NEGR1: variants seen among roughly 807,000 people sequenced by gnomAD.
NEGR1 encodes IgLON family member 4.
NEGR1 carries 10 observed loss-of-function variants against 40.9 expected under a neutral mutation model. The ratio of observed to expected loss-of-function variants is 0.24; its 90% CI spans 0.15 to 0.42. The LOEUF (loss-of-function observed/expected upper bound fraction) is 0.42. Among genes scored for constraint, NEGR1 ranks in the 10% least tolerant of loss-of-function variants. The probability of loss-of-function intolerance (pLI) is 1.00; values close to 1 mark genes in which losing one functional copy is unlikely to be tolerated. For missense variants in NEGR1, 352 were observed against 438.9 expected, an observed-to-expected ratio of 0.80 and a Z score of 1.77; for synonymous variants, 185 against 166.8, an observed-to-expected ratio of 1.11 and a Z score of -0.84.
At chr1:71,835,076 A>G (rs1658978528) in intron 2 of NEGR1, among the ~76,000 whole-genome samples, 1 of 152,214 alleles carries the variant, frequency 6.6e-6, no homozygotes, top group Admixed American at 6.5e-5. Flanking sequence ...GCTCACTCAC[A>G]TGACTGACAG....
At chr1:71,607,758 A>G (rs926174171) in intron 5 of NEGR1, among the ~76,000 whole-genome samples, 1 of 152,064 alleles carries the variant, frequency 6.6e-6, no homozygotes, top group African/African-American at 2.4e-5. Flanking sequence ...CAGTGGAGCA[A>G]TCTCGGCTCA....
chr1:71,704,897 A>C lies in NEGR1; in HGVS notation c.536-6758T>G, dbSNP rs569610680. 1.9e-3 allele frequency among the ~76,000 whole-genome samples: 283 copies of C among 152,112 alleles called. 2 individuals are homozygous for C. Among genetic ancestry groups the C allele is most frequent in the African/African-American group, 6.6e-3 (276 of 41,578 alleles). ...GGTATACCAATCTAGGGATATATTA[A>C]TATGATAATACACCATGATCAAGTA... On this transcript the variant is annotated intron_variant, in intron 3 of 6. Coordinates refer to ENST00000357731, the MANE Select transcript of NEGR1 (RefSeq NM_173808.3).
At chr1:72,197,859 G>C (rs1570110068) in intron 1 of NEGR1, among the ~76,000 whole-genome samples, 2 of 152,008 alleles carry the variant, frequency 1.3e-5, no homozygotes, top group East Asian at 3.9e-4. Flanking sequence ...ACTTTCATTA[G>C]CCCTGGGTTA....
intron 6 of NEGR1, among the ~76,000 whole-genome samples, chr1:71,501,714 A>G (rs1647000444): frequency 6.6e-6 from 1 of 152,214 alleles, no homozygotes; most frequent in African/African-American, 2.4e-5. Context: ...GTGAAAAAAT[A>G]ATGTTCATAA....
chr1:71,789,756 A>T (rs1657043701), intron 2 of NEGR1, among the ~76,000 whole-genome samples: 1 of 152,082 alleles, frequency 6.6e-6, no homozygotes, highest in Non-Finnish European at 1.5e-5. Context: ...TACCTCTCCA[A>T]CCTGCTGAAC....
chr1:72,259,565 A>C (rs72682760), intron 1 of NEGR1, among the ~76,000 whole-genome samples: 26 of 152,202 alleles, frequency 1.7e-4, no homozygotes, highest in Non-Finnish European at 2.9e-4. Flanking sequence ...AATCAGAGGG[A>C]AAGTTTTTTC....
At chr1:72,234,118 G>A (rs1654471185) in intron 1 of NEGR1, among the ~76,000 whole-genome samples, 2 of 151,958 alleles carry the variant, frequency 1.3e-5, no homozygotes, top group South Asian at 4.1e-4. Context: ...TATTTTTCCT[G>A]ATCCTCTCTC....
intron 1 of NEGR1, among the ~76,000 whole-genome samples, chr1:72,110,504 G>A (rs1414356078): frequency 6.6e-6 from 1 of 151,028 alleles, no homozygotes; most frequent in Non-Finnish European, 1.5e-5. Context: ...GCTCTCTAAG[G>A]GATAAAATGA....
chr1:71,814,350 A>G lies in NEGR1; in HGVS notation c.410-38053T>C, dbSNP rs193141875. Among the ~76,000 whole-genome samples the G allele has an allele frequency of 3.0e-3, 460 of 152,192 alleles. 4 individuals carry two copies. The highest frequency in any genetic ancestry group is 1.0e-2 in the African/African-American group (414 of 41,526). On this transcript the variant is annotated intron_variant, in intron 2 of 6. Coordinates refer to ENST00000357731, the MANE Select transcript of NEGR1 (RefSeq NM_173808.3). ...GAGGATTTTTGCATCAATGTTCATC[A>G]GGGATATTTGTCTGAAGTTTTCTTT...
intron 3 of NEGR1, among the ~76,000 whole-genome samples, chr1:71,725,627 T>G (rs1408780346): frequency 6.6e-6 from 1 of 152,124 alleles, no homozygotes; most frequent in African/African-American, 2.4e-5. Flanking sequence ...GTTAGTCTTC[T>G]CAGTATTTTG....
At chr1:71,920,556 G>A (rs1015244941) in intron 2 of NEGR1, among the ~76,000 whole-genome samples, 3 of 152,062 alleles carry the variant, frequency 2.0e-5, no homozygotes, top group African/African-American at 4.8e-5. Context: ...GCACTCATTT[G>A]CCCCCAAGTC....
chr1:71,706,224 T>G (rs1402539796), intron 3 of NEGR1, among the ~76,000 whole-genome samples: 1 of 152,082 alleles, frequency 6.6e-6, no homozygotes, highest in Non-Finnish European at 1.5e-5. Flanking sequence ...TGCTGTCTTG[T>G]TAGAGCAGAA....
chr1:71,674,911 A>G (rs1652564154), intron 4 of NEGR1, among the ~76,000 whole-genome samples: 1 of 151,656 alleles, frequency 6.6e-6, no homozygotes, highest in Non-Finnish European at 1.5e-5. Flanking sequence ...GTTTTCATCC[A>G]ACAGAATGTA....
chr1:71,678,112 A>C (rs11209819), intron 4 of NEGR1, among the ~76,000 whole-genome samples: 20 of 152,160 alleles, frequency 1.3e-4, no homozygotes, highest in African/African-American at 4.6e-4. Flanking sequence ...AAAAAAGAAG[A>C]AGTATGCACA....
intron 3 of NEGR1, among the ~76,000 whole-genome samples, chr1:71,706,661 A>T (rs1409796771): frequency 1.3e-5 from 2 of 151,818 alleles, no homozygotes; most frequent in African/African-American, 4.8e-5. Context: ...CCAGCTCAGC[A>T]ACAGCAGAAT....
At chr1:71,559,450 T>G (rs985665808) in intron 6 of NEGR1, among the ~76,000 whole-genome samples, 7 of 151,634 alleles carry the variant, frequency 4.6e-5, no homozygotes, top group Non-Finnish European at 8.9e-5. Flanking sequence ...TCTCAGAGTC[T>G]GCATTCCATC....
At chr1:72,243,739 A>G (rs905173209) in intron 1 of NEGR1, among the ~76,000 whole-genome samples, 25 of 151,820 alleles carry the variant, frequency 1.6e-4, no homozygotes, top group Non-Finnish European at 8.9e-5. Flanking sequence ...TATCAACTAT[A>G]ATTATTAACT....
rs79532177 is a variant in NEGR1, at chr1:72,211,112, T to A, written c.176+71207A>T. Among the ~76,000 whole-genome samples, 1,341 of 151,960 alleles carry A rather than the reference T, an allele frequency of 8.8e-3. 21 individuals carry two copies. Among genetic ancestry groups the A allele is most frequent in the African/African-American group, 0.031 (1,276 of 41,516 alleles). On this transcript the variant is annotated intron_variant, in intron 1 of 6. Coordinates refer to ENST00000357731, the MANE Select transcript of NEGR1 (RefSeq NM_173808.3). The stretch of plus-strand genomic sequence containing the variant: ...TCTGAAAAAGCTATTGACATGCTCA[T>A]CCTCTTTCATCAGTGCCATTTTTCA...
intron 2 of NEGR1, among the ~76,000 whole-genome samples, chr1:71,855,368 A>G (rs1427527708): frequency 6.6e-6 from 1 of 151,540 alleles, no homozygotes; most frequent in Non-Finnish European, 1.5e-5. Flanking sequence ...AAAATGGAAT[A>G]AATGAATCTG....
Sources: gnomAD v4.1 joint callset for allele counts (sites outside exome capture counted in the v4.1 genomes callset) on GRCh38, gnomAD v4.1.1 for gene constraint, MANE v1.5 for transcripts, NCBI Gene and HGNC (gene_info 2026-07-23, HGNC 2026-07-21) for gene names.